Variants in BBOX1 observed in about 807,000 individuals in gnomAD.
The protein encoded by BBOX1 is gamma-butyrobetaine hydroxylase 1.
A neutral mutation model predicts 41.6 loss-of-function variants in BBOX1; 35 were observed. The ratio of observed to expected loss-of-function variants is 0.84; its 90% CI spans 0.64 to 1.11. BBOX1 has a LOEUF of 1.11. Among genes scored for constraint, BBOX1 ranks in the 50% most tolerant of loss-of-function variants. The probability of loss-of-function intolerance (pLI) is 0.00; values close to 1 mark genes in which losing one functional copy is unlikely to be tolerated. For synonymous variants in BBOX1, 163 were observed against 154.7 expected (o/e 1.05, Z -0.40); for missense variants, 458 against 460.6 (o/e 0.99, Z 0.05).
chr11:27,064,681 A>G (rs1424075714), intron 4 of BBOX1, among the ~76,000 whole-genome samples: 3 of 152,176 alleles, frequency 2.0e-5, no homozygotes, highest in East Asian at 1.9e-4. Flanking sequence ...TTAGTCCTCA[A>G]ATCAATCTAT....
At chr11:27,059,441 C>A (rs1317578028) in intron 4 of BBOX1, among the ~76,000 whole-genome samples, 1 of 152,212 alleles carries the variant, frequency 6.6e-6, no homozygotes, top group Non-Finnish European at 1.5e-5. Flanking sequence ...AGAGCCCTCA[C>A]AAAGAACCCT....
intron 2 of BBOX1, among the ~76,000 whole-genome samples, chr11:27,053,378 C>T (rs1856875055): frequency 2.0e-5 from 3 of 152,322 alleles, no homozygotes; most frequent in Middle Eastern, 6.8e-3. Flanking sequence ...ATGTCGCCTA[C>T]ATTGTTTTTG....
intron 5 of BBOX1, among the ~76,000 whole-genome samples, chr11:27,109,393 T>A (rs994031706): frequency 6.6e-6 from 1 of 152,068 alleles, no homozygotes; most frequent in African/African-American, 2.4e-5. Flanking sequence ...AGACAGATTG[T>A]CCAAGATTAT....
chr11:27,113,602 T>C (rs1289287471), intron 5 of BBOX1, among the ~76,000 whole-genome samples: 1 of 151,562 alleles, frequency 6.6e-6, no homozygotes, highest in Admixed American at 6.6e-5. Context: ...GAGCTAAACA[T>C]TGAGTACACA....
At chr11:27,101,982 G>C (rs958290488) in intron 5 of BBOX1, among the ~76,000 whole-genome samples, 1 of 152,016 alleles carries the variant, frequency 6.6e-6, no homozygotes, top group African/African-American at 2.4e-5. Flanking sequence ...ATTTTGACAA[G>C]TATCTCCCCT....
chr11:27,107,960 T>C (rs2134077784), intron 5 of BBOX1, among the ~76,000 whole-genome samples: 1 of 152,242 alleles, frequency 6.6e-6, no homozygotes, highest in East Asian at 1.9e-4. Context: ...ATGACATTTC[T>C]AAGATTTTTC....
At chr11:27,106,802 A>G (rs972337794) in intron 5 of BBOX1, among the ~76,000 whole-genome samples, 1 of 152,276 alleles carries the variant, frequency 6.6e-6, no homozygotes, top group East Asian at 1.9e-4. Flanking sequence ...TCAGCACCAC[A>G]TCGCACTTAC....
At chr11:27,047,393 AGATGTCTATAGGAGT>A (rs1851518600) in intron 2 of BBOX1, 1 of 152,206 alleles carries the variant, frequency 6.6e-6, no homozygotes, top group Non-Finnish European at 1.5e-5. Flanking sequence ...TTCTTGGCAC[AGATGTCTATAGGAGT>A]GATCACTTCA....
intron 7 of BBOX1, among the ~76,000 whole-genome samples, chr11:27,123,889 T>C (rs1436220398): frequency 2.0e-5 from 3 of 152,222 alleles, no homozygotes; most frequent in Non-Finnish European, 4.4e-5. Flanking sequence ...TGCAAATCTA[T>C]GTTTTAAGAG....
At chr11:27,057,913 G>A (rs903544847) in intron 4 of BBOX1, among the ~76,000 whole-genome samples, 2 of 151,966 alleles carry the variant, frequency 1.3e-5, no homozygotes, top group Non-Finnish European at 2.9e-5. Flanking sequence ...CTGCAAGGGT[G>A]GATTCAGTGG....
chr11:27,049,380 T>C (rs1378357872), intron 2 of BBOX1, among the ~76,000 whole-genome samples: 1 of 152,082 alleles, frequency 6.6e-6, no homozygotes, highest in African/African-American at 2.4e-5. Flanking sequence ...TTTAGAGAAA[T>C]GTCTATTCCA....
chr11:27,054,367 T>G (rs1856914346), intron 2 of BBOX1, among the ~76,000 whole-genome samples: 1 of 152,148 alleles, frequency 6.6e-6, no homozygotes, highest in Non-Finnish European at 1.5e-5. Context: ...GAGCTCTACT[T>G]CTCGCATATA....
At chr11:27,109,124 A>C (rs1564984798) in intron 5 of BBOX1, among the ~76,000 whole-genome samples, 2 of 152,116 alleles carry the variant, frequency 1.3e-5, no homozygotes, top group East Asian at 1.9e-4. Flanking sequence ...GCTTAGACTT[A>C]CAATAGCTCT....
chr11:27,050,601 T>C (rs1851639414), intron 2 of BBOX1, among the ~76,000 whole-genome samples: 1 of 152,052 alleles, frequency 6.6e-6, no homozygotes, highest in Admixed American at 6.6e-5. Flanking sequence ...TTTTTAGTGG[T>C]CCTGGAAATT....
rs565916964 is a variant in BBOX1 at position 27,045,291 on chromosome 11, T to A, written c.-39+3813T>A. Among the ~76,000 whole-genome samples, 260 of 152,334 alleles carry A rather than the reference T, an allele frequency of 1.7e-3. 3 individuals are homozygous for A. Among genetic ancestry groups the A allele is most frequent in the African/African-American group, 6.1e-3 (254 of 41,574 alleles). ...GCACATTGATTTTGTATCCCGAGAC[T>A]TTGCTGAAGTTGCTTATCAGCTTAA... On this transcript the variant is annotated intron_variant, in intron 2 of 8. Transcript: ENST00000263182.
chr11:27,080,862 T>C (rs1383369910), intron 4 of BBOX1, among the ~76,000 whole-genome samples: 1 of 152,150 alleles, frequency 6.6e-6, no homozygotes, highest in Non-Finnish European at 1.5e-5. Flanking sequence ...TCCTCATGTG[T>C]TTTCCTCCAC....
At chr11:27,061,460 G>GA (rs1857131684) in intron 4 of BBOX1, among the ~76,000 whole-genome samples, 1 of 152,172 alleles carries the variant, frequency 6.6e-6, no homozygotes, top group African/African-American at 2.4e-5. Context: ...AGAAATTAAT[G>GA]AGCCATTTTT....
intron 5 of BBOX1, among the ~76,000 whole-genome samples, chr11:27,101,588 T>C (rs969728922): frequency 2.6e-5 from 4 of 152,164 alleles, no homozygotes; most frequent in Admixed American, 6.5e-5. Flanking sequence ...TTTTTCTTTA[T>C]GTTTTTACAG....
At chr11:27,056,937 G>A (rs949345961) in intron 3 of BBOX1, among the ~76,000 whole-genome samples, 103 of 150,734 alleles carry the variant, frequency 6.8e-4, no homozygotes, top group African/African-American at 2.2e-3. Flanking sequence ...GTGGTGTCGC[G>A]TGCCTGTAAT....
Sources: allele counts gnomAD v4.1 joint callset (sites outside exome capture counted in the v4.1 genomes callset), GRCh38; gene constraint gnomAD v4.1.1; transcripts MANE v1.5; gene names NCBI Gene and HGNC (gene_info 2026-07-23, HGNC 2026-07-21).